SMURF1: variants seen among roughly 807,000 people sequenced by gnomAD.
SMURF1 encodes E3 ubiquitin-protein ligase SMURF1.
Under a neutral mutation model 98.0 loss-of-function variants are expected in SMURF1, and 44 were observed. That is an observed-to-expected ratio of 0.45 (90% CI 0.35 to 0.58). The LOEUF is 0.58. SMURF1 is among the 20% of genes least tolerant of loss of function. The pLI is 0.00. For synonymous variants in SMURF1, 396 were observed against 374.9 expected (o/e 1.06, Z -0.65); for missense variants, 687 against 938.4 (o/e 0.73, Z 3.50).
chr7:99,062,823 G>A (rs1400862523), intron 1 of SMURF1, among the ~76,000 whole-genome samples: 1 of 152,132 alleles, frequency 6.6e-6, no homozygotes, highest in Non-Finnish European at 1.5e-5. Context: ...ACTCCAGCCT[G>A]GGTGACAGAG....
chr7:99,080,490 G>C (rs1303287308), intron 1 of SMURF1, among the ~76,000 whole-genome samples: 1 of 152,056 alleles, frequency 6.6e-6, no homozygotes, highest in Non-Finnish European at 1.5e-5. Context: ...GTAGAGATGG[G>C]GTTTCTCCAT....
intron 1 of SMURF1, among the ~76,000 whole-genome samples, chr7:99,073,908 T>A (rs1796392398): frequency 6.6e-6 from 1 of 152,234 alleles, no homozygotes; most frequent in African/African-American, 2.4e-5. Flanking sequence ...TTTTATTGAT[T>A]GTACTGTTTG....
Position 99,057,191 on chromosome 7 carries a change from A to G in SMURF1, c.403+14T>C, listed in dbSNP as rs772227314. Reference sequence around the variant, plus strand: ...TGGAAAAGCATCTCTTTACACAGACAAGAAAGTTCTTACCCACTATCTGGC... The same window carrying G: ...TGGAAAAGCATCTCTTTACACAGACGAGAAAGTTCTTACCCACTATCTGGC... On this transcript the variant is annotated intron_variant, in intron 5 of 17. Transcript: ENST00000361368. 6.2e-7 allele frequency: 1 copy of G among 1,613,654 alleles called. No individual in the cohort carries two copies. The highest frequency in any genetic ancestry group is 8.5e-7 in the Non-Finnish European group (1 of 1,179,682).
In SMURF1 at chr7:99,099,830, G is replaced by A. The variant is rs929630386; in HGVS notation, c.56-37993C>T. 2.0e-5 allele frequency among the ~76,000 whole-genome samples: 3 copies of A among 152,098 alleles called. No homozygotes were observed. The East Asian group carries it at 5.8e-4, about 29-fold the overall frequency. On this transcript the variant is annotated intron_variant, in intron 1 of 17. Coordinates refer to ENST00000361368, the MANE Select transcript of SMURF1 (RefSeq NM_181349.3). Reference sequence around the variant, plus strand: ...TTTCCACTTCTGTTTTCCAACATGAGTTAAAACAGTCTAAGGCCCTCCCCA... The same window carrying A: ...TTTCCACTTCTGTTTTCCAACATGAATTAAAACAGTCTAAGGCCCTCCCCA...
intron 5 of SMURF1, among the ~76,000 whole-genome samples, chr7:99,055,479 A>G (rs982432775): frequency 4.0e-5 from 6 of 151,252 alleles, no homozygotes; most frequent in Non-Finnish European, 5.9e-5. Flanking sequence ...AAAAAAAATT[A>G]AAAATTAAAA....
intron 1 of SMURF1, among the ~76,000 whole-genome samples, chr7:99,097,770 A>G (rs1264189163): frequency 6.6e-6 from 1 of 152,270 alleles, no homozygotes; most frequent in African/African-American, 2.4e-5. Flanking sequence ...ATGAAAAGAA[A>G]TACACACCTG....
chr7:99,088,845 A>T (rs1376712546), intron 1 of SMURF1, among the ~76,000 whole-genome samples: 1 of 151,908 alleles, frequency 6.6e-6, no homozygotes, highest in Non-Finnish European at 1.5e-5. Context: ...TGGGTGGATC[A>T]CCTGAGGTCA....
chr7:99,138,778 T>C, intron 1 of SMURF1, among the ~76,000 whole-genome samples: 1 of 152,214 alleles, frequency 6.6e-6, no homozygotes, highest in East Asian at 1.9e-4. Flanking sequence ...GCAACACAAA[T>C]GTGATCAAAT....
At chr7:99,085,378 AAAAG>A (rs1329729509) in intron 1 of SMURF1, among the ~76,000 whole-genome samples, 3 of 150,454 alleles carry the variant, frequency 2.0e-5, no homozygotes, top group Non-Finnish European at 4.5e-5. Context: ...AAAAGAAAAG[AAAAG>A]AAAAGAAAAA....
intron 16 of SMURF1, among the ~76,000 whole-genome samples, chr7:99,034,904 A>C (rs1413585313): frequency 6.6e-6 from 1 of 152,186 alleles, no homozygotes; most frequent in African/African-American, 2.4e-5. Flanking sequence ...TTTACAGTCC[A>C]ATCAGCTAAA....
At chr7:99,041,930 G>C (rs1165276723) in intron 12 of SMURF1, among the ~76,000 whole-genome samples, 188 bp downstream of exon 12, 1 of 152,122 alleles carries the variant, frequency 6.6e-6, no homozygotes, top group Non-Finnish European at 1.5e-5. Flanking sequence ...CAGTGATCAC[G>C]ATCTCTGAAA....
intron 17 of SMURF1, among the ~76,000 whole-genome samples, chr7:99,031,774 G>T (rs6970258): frequency 7.9e-5 from 12 of 152,170 alleles, no homozygotes; most frequent in Non-Finnish European, 1.5e-4. Flanking sequence ...ATGTCAGAGG[G>T]TGTCACAGCT....
Position 99,058,806 on chromosome 7 carries a change from C to A in SMURF1, c.204-1255G>T, listed in dbSNP as rs528849567. Among the ~76,000 whole-genome samples, 5 of 152,286 alleles carry A rather than the reference C, an allele frequency of 3.3e-5. No individual in the cohort carries two copies. In the South Asian group the frequency reaches 1.0e-3, roughly 32 times the overall value. ...GGTGCATATAAAATAGTGGTCTTCA[C>A]AGCCAGGTGCAGTGGCTCACGCCTA... On this transcript the variant is annotated intron_variant, in intron 3 of 17. Coordinates refer to ENST00000361368, the MANE Select transcript of SMURF1 (RefSeq NM_181349.3).
At chr7:99,063,275 A>ATATATATATATATATAAGATT (rs1796102290) in intron 1 of SMURF1, among the ~76,000 whole-genome samples, 1 of 20,682 alleles carries the variant, frequency 4.8e-5, no homozygotes, top group Non-Finnish European at 1.1e-4. Flanking sequence ...ATATATATAT[A>ATATATATATATATATAAGATT]TATATATATA....
At position 99,035,908 on chromosome 7, in the gene SMURF1, C is replaced by CTCCAAA. The variant is rs553414906; in HGVS notation, c.1810-198_1810-193dup. The CTCCAAA allele has an allele frequency of 8.4e-4, 518 of 613,796 alleles. 1 individual carries two copies. The highest frequency in any genetic ancestry group is 1.8e-3 in the Middle Eastern group (4 of 2,228). The allele number at this position is 613,796 out of a possible 1,614,324, so 38.0% of individuals were successfully genotyped here. ...TGTGGCACATGCTTCCGTCCGCCTC[C>CTCCAAA]TCCAAACGGGTCTCCAACCCCAAGG... On this transcript the variant is annotated intron_variant, in intron 15 of 17. Coordinates refer to ENST00000361368, the MANE Select transcript of SMURF1 (RefSeq NM_181349.3).
At chr7:99,108,463 T>G (rs1000446202) in intron 1 of SMURF1, among the ~76,000 whole-genome samples, 3 of 150,254 alleles carry the variant, frequency 2.0e-5, no homozygotes, top group African/African-American at 7.4e-5. Flanking sequence ...TACAAAAAAA[T>G]TAACCGAGCG....
At chr7:99,047,534 CAG>C in intron 10 of SMURF1, 148 bp downstream of exon 10, 1 of 767,982 alleles carries the variant, frequency 1.3e-6, no homozygotes. Flanking sequence ...AAATACCAAA[CAG>C]AAAGAAGGGT....
At chr7:99,126,368 A>G (rs1219438715) in intron 1 of SMURF1, among the ~76,000 whole-genome samples, 1 of 138,716 alleles carries the variant, frequency 7.2e-6, no homozygotes, top group Non-Finnish European at 1.6e-5. Context: ...TTTTTTAATT[A>G]TGGGCTGGGC....
intron 1 of SMURF1, among the ~76,000 whole-genome samples, chr7:99,115,635 C>A (rs1797422074): frequency 6.6e-6 from 1 of 151,984 alleles, no homozygotes; most frequent in Non-Finnish European, 1.5e-5. Context: ...AAAAAAAATA[C>A]TATGAATAAT....
Sources: gnomAD v4.1 joint callset for allele counts (sites outside exome capture counted in the v4.1 genomes callset) on GRCh38, gnomAD v4.1.1 for gene constraint, MANE v1.5 for transcripts, NCBI Gene and HGNC (gene_info 2026-07-23, HGNC 2026-07-21) for gene names.